NUP85: variants seen among roughly 807,000 people sequenced by gnomAD.
NUP85 encodes nuclear pore complex protein Nup85.
Under a neutral mutation model 92.8 loss-of-function variants are expected in NUP85, and 23 were observed. The ratio of observed to expected loss-of-function variants is 0.25; its 90% confidence interval spans 0.18 to 0.35. NUP85 has a LOEUF of 0.35. NUP85 is among the 10% of genes least tolerant of loss of function. The pLI, the probability that NUP85 is intolerant of heterozygous loss-of-function variation, is 1.00. For missense variants in NUP85, 759 were observed against 822.8 expected (o/e 0.92, Z 0.95); for synonymous variants, 314 against 306.9 (o/e 1.02, Z -0.24).
chr17:75,209,517 C>T (rs2145268376), intron 2 of NUP85, among the ~76,000 whole-genome samples: 1 of 144,696 alleles, frequency 6.9e-6, no homozygotes, highest in Admixed American at 6.9e-5. Context: ...GATCTCGGCT[C>T]ACTGCCACCT....
chr17:75,224,056 G>GT (rs988269107), intron 7 of NUP85, among the ~76,000 whole-genome samples: 2 of 151,420 alleles, frequency 1.3e-5, no homozygotes, highest in African/African-American at 4.9e-5. Context: ...GTTTTGTTTT[G>GT]TTTTTTTGAG....
chr17:75,233,302 C>T (rs2076150204), intron 16 of NUP85, 144 bp downstream of exon 16: 1 of 645,514 alleles, frequency 1.5e-6, no homozygotes, highest in South Asian at 1.9e-5. Flanking sequence ...CCGTCATGTC[C>T]AGGATCATGA....
At chr17:75,232,993 C>T in intron 15 of NUP85, 25 bp downstream of exon 15, 3 of 1,613,540 alleles carry the variant, frequency 1.9e-6, no homozygotes, top group Non-Finnish European at 1.7e-6. Context: ...TGTTGGCTTC[C>T]CAGGGACTGG....
At chr17:75,226,809 C>A (rs951654641) in intron 11 of NUP85, 4 of 440,462 alleles carry the variant, frequency 9.1e-6, no homozygotes, top group Non-Finnish European at 1.8e-5. Context: ...AAAAAGCCAG[C>A]AAGCCTGTTT....
At chr17:75,214,398 C>A (rs2075365896) in intron 5 of NUP85, among the ~76,000 whole-genome samples, 1 of 152,154 alleles carries the variant, frequency 6.6e-6, no homozygotes, top group Non-Finnish European at 1.5e-5. Context: ...ATTTCGGGGT[C>A]TTATATTGGG....
At chr17:75,215,975 A>C in intron 6 of NUP85, 152 bp downstream of exon 6, 1 of 696,208 alleles carries the variant, frequency 1.4e-6, no homozygotes, top group Non-Finnish European at 2.4e-6. Flanking sequence ...AAAACACCCA[A>C]AGAAACCTGA....
chr17:75,234,770 C>T lies in NUP85; in HGVS notation c.1749C>T (p.Pro583=). 6.2e-7 allele frequency: 1 copy of T among 1,614,142 alleles called. No homozygotes were observed. The change falls in exon 17 of 19, where the codon CCC becomes CCT. Residue 583 remains proline, a synonymous_variant. Transcript: ENST00000245544. ...FWMTLLTDAL[P]LLEQKQVIFS... Reference sequence around the variant, plus strand: ...TGACTCTGCTGACAGACGCCTTGCCCCTTTTGGAACAGAAACAGGTGAAGG... The same window carrying T: ...TGACTCTGCTGACAGACGCCTTGCCTCTTTTGGAACAGAAACAGGTGAAGG...
At chr17:75,212,189 C>T (rs1277678681) in intron 4 of NUP85, 127 bp downstream of exon 4, 1 of 395,510 alleles carries the variant, frequency 2.5e-6, no homozygotes, top group East Asian at 5.6e-5. Context: ...CTTATTTTTC[C>T]ATCTTTCATA....
At chr17:75,227,776 T>C (rs2145373596) in intron 11 of NUP85, among the ~76,000 whole-genome samples, 1 of 152,220 alleles carries the variant, frequency 6.6e-6, no homozygotes, top group South Asian at 2.1e-4. Context: ...TAGCTAGGAC[T>C]ACAAGTGTGC....
chr17:75,215,738 C>A lies in NUP85; in HGVS notation c.406-16C>A. The A allele has an allele frequency of 6.2e-7, 1 of 1,612,392 alleles. No homozygotes were observed. Among genetic ancestry groups the A allele is most frequent in the Non-Finnish European group, 8.5e-7 (1 of 1,178,526 alleles). ...GGAATCATTTCAGGTGAAACCTGTC[C>A]CCATTTCTTCCTTAGGTCTCCATTT... On this transcript the variant is annotated splice_polypyrimidine_tract_variant and intron_variant, in intron 5 of 18. Coordinates refer to ENST00000245544, the MANE Select transcript of NUP85 (RefSeq NM_024844.5).
At chr17:75,227,741 G>A (rs567120595) in intron 11 of NUP85, among the ~76,000 whole-genome samples, 40 of 152,102 alleles carry the variant, frequency 2.6e-4, no homozygotes, top group African/African-American at 9.4e-4. Context: ...GGGTTCAAGT[G>A]ATCCTCTTGC....
At position 75,218,171 on chromosome 17, in the gene NUP85, G is replaced by A. The variant is rs750445456; in HGVS notation, c.476-14G>A. On this transcript the variant is annotated splice_polypyrimidine_tract_variant and intron_variant, in intron 6 of 18. Coordinates refer to ENST00000245544, the MANE Select transcript of NUP85 (RefSeq NM_024844.5). ...GCTGAGGCTTTTGTGTGTGATGAGA[G>A]TCTCTCCTCCCAGCTGGCCCTCTCC... is the stretch of plus-strand genomic sequence containing the variant. The A allele has an allele frequency of 6.2e-7, 1 of 1,613,770 alleles. No homozygotes were observed. The highest frequency in any genetic ancestry group is 8.5e-7 in the Non-Finnish European group (1 of 1,179,794).
chr17:75,208,483 G>T, intron 1 of NUP85, 44 bp from the exon 2 acceptor site: 76 of 874,852 alleles, frequency 8.7e-5, no homozygotes, highest in Non-Finnish European at 1.2e-4. Flanking sequence ...ACTTCAGTAA[G>T]AAGAACATTT....
At chr17:75,208,338 A>G (rs1305229955) in intron 1 of NUP85, 189 bp from the exon 2 acceptor site, 10 of 585,930 alleles carry the variant, frequency 1.7e-5, no homozygotes, top group South Asian at 1.6e-4. Flanking sequence ...CCAGCTACTC[A>G]GGAGGTTGAG....
At chr17:75,209,470 G>A (rs145531426) in intron 2 of NUP85, among the ~76,000 whole-genome samples, 2,093 of 142,352 alleles carry the variant, frequency 0.015, 43 homozygotes, top group African/African-American at 0.05. Flanking sequence ...TTTTTGAGAC[G>A]GAGTCTCGCT....
rs1305055171 is a variant in NUP85 at position 75,218,593 on chromosome 17, T to TTTTTG, written c.597+291_597+292insGTTTT. Among the ~76,000 whole-genome samples, 5 of 135,766 alleles carry TTTTTG rather than the reference T, an allele frequency of 3.7e-5. No individual in the cohort carries two copies. The East Asian group carries it at 6.4e-4, about 17-fold the overall frequency. The allele number at this position is 135,766 out of a possible 152,430, so 89.1% of individuals were successfully genotyped here. A position where few individuals can be genotyped will look rare whatever the true frequency, so the allele number is the denominator to read the frequency against. Reference sequence around the variant, plus strand: ...ACAAAAAGGAATACAAAACCGTTTTTTTTTTTTTTTTTTTGAGACAGGGTC... The same window carrying TTTTTG: ...ACAAAAAGGAATACAAAACCGTTTTTTTTTGTTTTTTTTTTTTTTGAGACAGGGTC... On this transcript the variant is annotated intron_variant, in intron 7 of 18. Transcript: ENST00000245544.
chr17:75,206,076 C>T (rs1459359386), intron 1 of NUP85, among the ~76,000 whole-genome samples: 1 of 152,084 alleles, frequency 6.6e-6, no homozygotes, highest in Non-Finnish European at 1.5e-5. Context: ...CCTTGCTTTT[C>T]CTCTTGGGCA....
At position 75,231,621 on chromosome 17, in the gene NUP85, AC is replaced by A. The variant is rs1246170899; in HGVS notation, c.1228del (p.Leu410CysfsTer35). 6.2e-7 allele frequency: 1 copy of A among 1,614,014 alleles called. No homozygotes were observed. The highest frequency in any genetic ancestry group is 8.5e-7 in the Non-Finnish European group (1 of 1,180,010). On this transcript the variant is annotated frameshift_variant, in exon 13 of 19. Coordinates refer to ENST00000245544, the MANE Select transcript of NUP85 (RefSeq NM_024844.5). LOFTEE classifies it high-confidence loss of function. The surrounding 1 kb of genome is among the most constrained non-coding windows in gnomAD (Gnocchi z 4.6). ...TCCTCCTGCTGGAGTACGCCTCGGG[AC>A]TGTTTGCTCATCCCAGGTAGGAAGG... is the stretch of plus-strand genomic sequence containing the variant. ...EFLLLEYASG[L>X]FAHPSLWQLG...
rs773987333 is a variant in NUP85, at chr17:75,215,739, C to T, written c.406-15C>T. 1.9e-6 allele frequency: 3 copies of T among 1,613,034 alleles called. No individual in the cohort carries two copies. Among genetic ancestry groups the T allele is most frequent in the Admixed American group, 3.3e-5 (2 of 60,004 alleles). ...GAATCATTTCAGGTGAAACCTGTCC[C>T]CATTTCTTCCTTAGGTCTCCATTTT... On this transcript the variant is annotated splice_polypyrimidine_tract_variant and intron_variant, in intron 5 of 18. Coordinates refer to ENST00000245544, the MANE Select transcript of NUP85 (RefSeq NM_024844.5).
Sources: allele counts gnomAD v4.1 joint callset (sites outside exome capture counted in the v4.1 genomes callset), GRCh38; gene constraint gnomAD v4.1.1; non-coding constraint Gnocchi (gnomAD v3.1); transcripts MANE v1.5; gene names NCBI Gene and HGNC (gene_info 2026-07-23, HGNC 2026-07-21).